The following HYDIN variants were observed in gnomAD, a reference collection of about 807,000 sequenced individuals.
The protein encoded by HYDIN is HYDIN axonemal central pair apparatus protein.
Under a neutral mutation model 403.9 loss-of-function variants are expected in HYDIN, and 132 were observed. That is an observed-to-expected ratio of 0.33 (90% CI 0.28 to 0.38). The LOEUF (loss-of-function observed/expected upper bound fraction) is 0.38, where lower values mean the gene tolerates loss of function less well. Among genes scored for constraint, HYDIN ranks in the 10% least tolerant of loss-of-function variants. The pLI is 1.00. For synonymous variants in HYDIN, 1,202 were observed against 1,891.7 expected (o/e 0.64, Z 9.46); for missense variants, 2,827 against 5,009.5 (o/e 0.56, Z 13.15).
chr16:70,836,084 G>A (rs1319291921), intron 77 of HYDIN, among the ~76,000 whole-genome samples: 3 of 152,142 alleles, frequency 2.0e-5, no homozygotes, highest in Non-Finnish European at 4.4e-5. Flanking sequence ...CACCTTGAGA[G>A]CATATTACAT....
chr16:71,192,800 C>T (rs1053081813), intron 1 of HYDIN, among the ~76,000 whole-genome samples: 5 of 152,190 alleles, frequency 3.3e-5, no homozygotes, highest in African/African-American at 1.2e-4. Context: ...GTATTCCCAG[C>T]ACCCTGTACA....
At chr16:71,157,125 T>C (rs1316188438) in intron 6 of HYDIN, among the ~76,000 whole-genome samples, 2 of 151,236 alleles carry the variant, frequency 1.3e-5, no homozygotes, top group Non-Finnish European at 2.9e-5. Context: ...ATGAAAAGAG[T>C]TAGATACAAT....
At chr16:70,947,344 A>C (rs1232082996) in intron 41 of HYDIN, among the ~76,000 whole-genome samples, 2 of 151,738 alleles carry the variant, frequency 1.3e-5, no homozygotes, top group East Asian at 3.9e-4. Flanking sequence ...TATTACATTT[A>C]CTGATTTGCG....
intron 1 of HYDIN, among the ~76,000 whole-genome samples, chr16:71,227,503 A>G (rs1026748051): frequency 6.6e-6 from 1 of 152,198 alleles, no homozygotes; most frequent in Admixed American, 6.5e-5. Context: ...AATCACAAGC[A>G]TTCTTATACA....
intron 13 of HYDIN, among the ~76,000 whole-genome samples, chr16:71,074,191 C>T (rs1199108801): frequency 6.6e-6 from 1 of 151,782 alleles, no homozygotes; most frequent in African/African-American, 2.4e-5. Flanking sequence ...TTTTAAACCC[C>T]ACATAATATG....
intron 37 of HYDIN, among the ~76,000 whole-genome samples, chr16:70,964,243 C>T (rs2143960594): frequency 6.7e-6 from 1 of 149,738 alleles, no homozygotes; most frequent in South Asian, 2.2e-4. Context: ...GTGTGAATGC[C>T]CACCCCCTGC....
chr16:71,038,561 C>A (rs2081175357), intron 18 of HYDIN, among the ~76,000 whole-genome samples: 1 of 151,192 alleles, frequency 6.6e-6, no homozygotes, highest in Non-Finnish European at 1.5e-5. Flanking sequence ...AAGCAATGTG[C>A]AGAGTGAGGG....
intron 12 of HYDIN, among the ~76,000 whole-genome samples, chr16:71,084,526 A>G (rs1212279504): frequency 6.6e-6 from 1 of 151,444 alleles, no homozygotes; most frequent in East Asian, 1.9e-4. Context: ...AGCTGGAATT[A>G]CAGGCATGCA....
intron 1 of HYDIN, among the ~76,000 whole-genome samples, chr16:71,200,684 A>C (rs2087956901): frequency 6.6e-6 from 1 of 152,210 alleles, no homozygotes; most frequent in Non-Finnish European, 1.5e-5. Flanking sequence ...CTTGAAGAAC[A>C]CAAAAGAACA....
chr16:70,959,034 A>C (rs2143944296), intron 39 of HYDIN, among the ~76,000 whole-genome samples: 1 of 152,056 alleles, frequency 6.6e-6, no homozygotes, highest in Admixed American at 6.5e-5. Context: ...TGAACTGCAA[A>C]TTACTATACA....
chr16:71,048,381 A>G lies in HYDIN; in HGVS notation c.2529+12123T>C, dbSNP rs944479114. ...AGTAGTGGGATTGCTGGATCATAGG[A>G]TAGTTCTATTTTTAGTTTTTTGAGC... On this transcript the variant is annotated intron_variant, in intron 18 of 85. Transcript: ENST00000393567. Among the ~76,000 whole-genome samples the G allele has an allele frequency of 4.0e-4, 52 of 130,950 alleles. 1 individual carries two copies. The highest frequency in any genetic ancestry group is 1.4e-3 in the African/African-American group (51 of 36,522). The allele number at this position is 130,950 out of a possible 152,430, so 85.9% of individuals were successfully genotyped here. A position where few individuals can be genotyped will look rare whatever the true frequency, so the allele number is the denominator to read the frequency against.
At position 70,851,605 on chromosome 16, in the gene HYDIN, G is replaced by A. The variant is rs60190856; in HGVS notation, c.12444-950C>T. Among the ~76,000 whole-genome samples, 1,322 of 151,220 alleles carry A rather than the reference G, an allele frequency of 8.7e-3. 35 individuals carry two copies. In the East Asian group the frequency reaches 0.11, roughly 13 times the overall value. On this transcript the variant is annotated intron_variant, in intron 73 of 85. Transcript: ENST00000393567. ...TCCTGGCGAGGCTGCAGAGAAAAGG[G>A]AACACTTATACACTATTGGTGGGTA... is the stretch of plus-strand genomic sequence containing the variant.
chr16:71,116,578 T>A (rs994156715), intron 9 of HYDIN, among the ~76,000 whole-genome samples: 1 of 152,078 alleles, frequency 6.6e-6, no homozygotes, highest in African/African-American at 2.4e-5. Context: ...ATGACAGTTC[T>A]ATTTATGATT....
intron 8 of HYDIN, among the ~76,000 whole-genome samples, chr16:71,134,254 G>A (rs2084825219): frequency 6.6e-6 from 1 of 151,666 alleles, no homozygotes; most frequent in Non-Finnish European, 1.5e-5. Flanking sequence ...AGCCCCTGGA[G>A]ATGAATGCCA....
At position 70,921,116 on chromosome 16, in the gene HYDIN, C is replaced by G; in HGVS notation, c.7260G>C (p.Lys2420Asn). 1.3e-6 allele frequency: 2 copies of G among 1,542,798 alleles called. No homozygotes were observed. The highest frequency in any genetic ancestry group is 1.8e-6 in the Non-Finnish European group (2 of 1,121,922). ...TMSEKEELNK[K>N]KRNMGDVSMH... ...TGCTGACATCGCCCATGTTCCTTTTCTTCTTATTTAGCTCTTCCTTCTCAG... is the reference window on the plus strand; with the variant it reads ...TGCTGACATCGCCCATGTTCCTTTTGTTCTTATTTAGCTCTTCCTTCTCAG... Residue 2420 changes from lysine to asparagine, a missense_variant, in exon 46 of 86, where the codon AAG becomes AAC. Lys to Asn is a moderately conservative substitution (Grantham distance 94, BLOSUM62 0). Transcript: ENST00000393567.
At chr16:70,862,328 G>A in intron 68 of HYDIN, 73 bp from the exon 69 acceptor site, 1 of 810,228 alleles carries the variant, frequency 1.2e-6, no homozygotes, top group Non-Finnish European at 2.0e-6. Context: ...CCCACTTACA[G>A]GTCCTTAGGG....
At chr16:71,223,819 A>G (rs2144766397) in intron 1 of HYDIN, among the ~76,000 whole-genome samples, 1 of 152,278 alleles carries the variant, frequency 6.6e-6, no homozygotes, top group East Asian at 1.9e-4. Context: ...TAAAAAGTCA[A>G]AAAACAATAG....
At chr16:71,068,106 G>T (rs112368948) in intron 14 of HYDIN, among the ~76,000 whole-genome samples, 1 of 148,342 alleles carries the variant, frequency 6.7e-6, no homozygotes, top group South Asian at 2.2e-4. Flanking sequence ...CTCTTGGGGG[G>T]CTCAGAACAT....
intron 1 of HYDIN, among the ~76,000 whole-genome samples, chr16:71,226,750 C>T (rs1411448159): frequency 6.6e-6 from 1 of 152,142 alleles, no homozygotes; most frequent in African/African-American, 2.4e-5. Flanking sequence ...AAAACTGACG[C>T]TCGGGCCTCC....
Sources: gnomAD v4.1 joint callset for allele counts (sites outside exome capture counted in the v4.1 genomes callset) on GRCh38, gnomAD v4.1.1 for gene constraint, MANE v1.5 for transcripts, NCBI Gene and HGNC (gene_info 2026-07-23, HGNC 2026-07-21) for gene names.